The following CACNA1B variants were observed in gnomAD, a reference collection of about 807,000 sequenced individuals.
CACNA1B encodes calcium voltage-gated channel subunit alpha1 B.
Under a neutral mutation model 247.2 loss-of-function variants are expected in CACNA1B, and 70 were observed. The observed-to-expected ratio is 0.28, with a 90% CI of 0.23 to 0.35. The LOEUF (loss-of-function observed/expected upper bound fraction) is 0.35, where lower values mean the gene tolerates loss of function less well. Ranked by LOEUF, CACNA1B falls within the 10% of genes least tolerant of loss-of-function variation. The pLI is 1.00. For synonymous variants in CACNA1B, 1,231 were observed against 1,294.4 expected (o/e 0.95, Z 1.05); for missense variants, 2,367 against 3,197.4 (o/e 0.74, Z 6.26).
chr9:138,024,668 G>C (rs115870793), intron 19 of CACNA1B, among the ~76,000 whole-genome samples: 1,611 of 152,206 alleles, frequency 0.011, 24 homozygotes, highest in African/African-American at 0.037. Flanking sequence ...CCGCACTGTC[G>C]CCCAGGGTGG....
chr9:138,105,479 G>T (rs1159919133), intron 38 of CACNA1B, among the ~76,000 whole-genome samples: 1 of 152,208 alleles, frequency 6.6e-6, no homozygotes, highest in Admixed American at 6.5e-5. Context: ...CTTTTCTGCA[G>T]CCAGGAGGGT....
rs1039083625 is a variant in CACNA1B at position 138,054,576 on chromosome 9, T to C, written c.3968+570T>C. ...CCCAGCTGCTTCTGTGTGAATATCA[T>C]GCAGCTTCCTCCTGTGCCGTGTGAC... is the stretch of plus-strand genomic sequence containing the variant. On this transcript the variant is annotated intron_variant, in intron 26 of 46. Coordinates refer to ENST00000371372, the MANE Select transcript of CACNA1B (RefSeq NM_000718.4). The surrounding 1 kb of genome is among the most constrained non-coding windows in gnomAD (Gnocchi z 4.6). 2.6e-5 allele frequency among the ~76,000 whole-genome samples: 4 copies of C among 152,254 alleles called. No individual in the cohort carries two copies. The highest frequency in any genetic ancestry group is 9.6e-5 in the African/African-American group (4 of 41,474).
chr9:138,076,502 A>G (rs912631225), intron 35 of CACNA1B, among the ~76,000 whole-genome samples: 2 of 152,180 alleles, frequency 1.3e-5, no homozygotes, highest in Non-Finnish European at 2.9e-5. Context: ...CAAGCCAAGT[A>G]ACAGGCAGAA....
At position 137,986,538 on chromosome 9, in the gene CACNA1B, G is replaced by C; in HGVS notation, c.1895G>C (p.Gly632Ala). 6.2e-7 allele frequency: 1 copy of C among 1,613,776 alleles called. No homozygotes were observed. The highest frequency in any genetic ancestry group is 8.5e-7 in the Non-Finnish European group (1 of 1,179,820). The change falls in exon 14 of 47, where the codon GGG (glycine) becomes GCG (alanine). Residue 632 changes from glycine to alanine, a missense_variant. Transcript: ENST00000371372. This position sits in a 1 kb window ranked among gnomAD's most constrained non-coding sequence, Gnocchi z 6.0. ...GCCCTGCTGGGGATGCAGCTGTTTG[G>C]GGGACAGTAAGTGGGCCCGGGAGGG... is the stretch of plus-strand genomic sequence containing the variant. ...VFALLGMQLFGGQFNFQDETP... is the reference protein window; with the variant it reads ...VFALLGMQLFAGQFNFQDETP...
At chr9:137,931,920 G>C (rs977674191) in intron 6 of CACNA1B, among the ~76,000 whole-genome samples, 1 of 152,156 alleles carries the variant, frequency 6.6e-6, no homozygotes, top group African/African-American at 2.4e-5. Context: ...TAGCATTTCT[G>C]ACCAGGAGCC....
At position 138,113,840 on chromosome 9, in the gene CACNA1B, C is replaced by T. The variant is rs548545850; in HGVS notation, c.5537-538C>T. On this transcript the variant is annotated intron_variant, in intron 40 of 46. Transcript: ENST00000371372. ...AGCGCCGGGAGGTGCCCAACTCCATCTTGTGGGAGACGTGAGGGAGTGCCG... is the reference window on the plus strand; with the variant it reads ...AGCGCCGGGAGGTGCCCAACTCCATTTTGTGGGAGACGTGAGGGAGTGCCG... 2.8e-5 allele frequency among the ~76,000 whole-genome samples: 4 copies of T among 144,002 alleles called. No homozygotes were observed. The East Asian group carries it at 9.0e-4, about 33-fold the overall frequency. 94.5% of individuals were successfully genotyped at this position (144,002 alleles called of 152,430 possible). A position where few individuals can be genotyped will look rare whatever the true frequency, so the allele number is the denominator to read the frequency against.
rs1024885527 is a variant in CACNA1B at position 137,919,302 on chromosome 9, G to A, written c.966+1871G>A. On this transcript the variant is annotated intron_variant, in intron 6 of 46. Transcript: ENST00000371372. The surrounding 1 kb of genome is among the most constrained non-coding windows in gnomAD (Gnocchi z 4.6). ...AAGGGCATGGACAGTGGCGAGTGCC[G>A]TGAAGAAAACAGAAGAGGTTGAGGA... Among the ~76,000 whole-genome samples, 6 of 152,268 alleles carry A rather than the reference G, an allele frequency of 3.9e-5. No homozygotes were observed. Among genetic ancestry groups the A allele is most frequent in the South Asian group, 2.1e-4 (1 of 4,838 alleles).
intron 36 of CACNA1B, among the ~76,000 whole-genome samples, chr9:138,094,704 T>C (rs771982582): frequency 3.3e-5 from 5 of 152,146 alleles, no homozygotes; most frequent in African/African-American, 1.2e-4. Flanking sequence ...GCTACAGTTA[T>C]CAAAACAATG....
At position 137,962,395 on chromosome 9, in the gene CACNA1B, C is replaced by T. The variant is rs1958030946; in HGVS notation, c.1333+4708C>T. ...TTCATGTTTTCTATCTCCTTCAGTT[C>T]AGCTCTGATCTTAGTTATTTCTTGT... On this transcript the variant is annotated intron_variant, in intron 10 of 46. Coordinates refer to ENST00000371372, the MANE Select transcript of CACNA1B (RefSeq NM_000718.4). Among the ~76,000 whole-genome samples, 4 of 147,018 alleles carry T rather than the reference C, an allele frequency of 2.7e-5. No individual in the cohort carries two copies. The Admixed American group carries it at 2.7e-4, about 10-fold the overall frequency.
At chr9:137,978,505 G>A (rs562044724) in intron 12 of CACNA1B, among the ~76,000 whole-genome samples, 1 of 152,090 alleles carries the variant, frequency 6.6e-6, no homozygotes, top group Non-Finnish European at 1.5e-5. Flanking sequence ...CCATGAAGGA[G>A]TGACAGGTGG....
chr9:138,117,921 A>G, intron 42 of CACNA1B, 25 bp from the exon 43 acceptor site: 1 of 1,543,490 alleles, frequency 6.5e-7, no homozygotes, highest in East Asian at 2.3e-5. Context: ...ACCCTACAGG[A>G]ATCTGTTTGT....
In CACNA1B at chr9:138,023,798, A is replaced by G. The variant is rs764682562; in HGVS notation, c.3055A>G (p.Asn1019Asp). 1 of 1,421,338 alleles carries G rather than the reference A, an allele frequency of 7.0e-7. No homozygotes were observed. The highest frequency in any genetic ancestry group is 1.2e-5 in the South Asian group (1 of 81,704). 88.0% of individuals were successfully genotyped at this position (1,421,338 alleles called of 1,614,324 possible). A position where few individuals can be genotyped will look rare whatever the true frequency, so the allele number is the denominator to read the frequency against. ...VEADKEKELR[N>D]HQPREPHCDL... ...AGCCGACAAGGAAAAGGAGCTCCGG[A>G]ACCACCAGCCCCGGTGAGTCCGCGG... is the stretch of plus-strand genomic sequence containing the variant. The change falls in exon 19 of 47, where the codon AAC becomes GAC. Residue 1019 changes from asparagine to aspartate, a missense_variant. By Grantham distance (23) the Asn-to-Asp change is conservative (BLOSUM62 1). Coordinates refer to ENST00000371372, the MANE Select transcript of CACNA1B (RefSeq NM_000718.4).
intron 46 of CACNA1B, 102 bp downstream of exon 46, chr9:138,120,983 C>G: frequency 7.4e-7 from 1 of 1,359,418 alleles, no homozygotes; most frequent in South Asian, 1.4e-5. Flanking sequence ...CGCTGCTGCC[C>G]TTTGTCATTC....
At position 138,123,989 on chromosome 9, in the gene CACNA1B, C is replaced by G. The variant is rs1334635292; in HGVS notation, c.*1990C>G. The G allele has an allele frequency of 1.3e-5, 2 of 152,168 alleles. No individual in the cohort carries two copies. Among genetic ancestry groups the G allele is most frequent in the Non-Finnish European group, 2.9e-5 (2 of 68,032 alleles). 9.4% of individuals were successfully genotyped at this position (152,168 alleles called of 1,614,324 possible). ...GCAGAACCACAGCCATTTCCCCAGG[C>G]AGTGTTGGGTCGAGAATCCACTTTT... On this transcript the variant is annotated 3_prime_UTR_variant, in exon 47 of 47. Transcript: ENST00000371372.
At position 137,878,237 on chromosome 9, in the gene CACNA1B, CGGGCGGGGCCGGGCGGGGACCGGGGTGGG is replaced by C; in HGVS notation, c.284+23_284+51del. 3.5e-6 allele frequency: 1 copy of C among 282,974 alleles called. No individual in the cohort carries two copies. The allele number at this position is 282,974 out of a possible 1,614,324, so 17.5% of individuals were successfully genotyped here. A position where few individuals can be genotyped will look rare whatever the true frequency, so the allele number is the denominator to read the frequency against. Reference sequence around the variant, plus strand: ...GTGGCCATATCCTGCCGGGCGGGGCCGGGCGGGGCCGGGCGGGGACCGGGGTGGGGGCCGGGGCCGGGGCCATCTTCCCG... The same window carrying C: ...GTGGCCATATCCTGCCGGGCGGGGCCGGCCGGGGCCGGGGCCATCTTCCCG... On this transcript the variant is annotated intron_variant, in intron 1 of 46. Coordinates refer to ENST00000371372, the MANE Select transcript of CACNA1B (RefSeq NM_000718.4).
At chr9:137,944,295 G>A (rs1423789204) in intron 6 of CACNA1B, among the ~76,000 whole-genome samples, 1 of 152,074 alleles carries the variant, frequency 6.6e-6, no homozygotes, top group Non-Finnish European at 1.5e-5. Context: ...TTTTTTAAAG[G>A]CTTCCTCCAG....
chr9:138,092,364 A>G (rs1960907443), intron 36 of CACNA1B, among the ~76,000 whole-genome samples: 1 of 152,212 alleles, frequency 6.6e-6, no homozygotes, highest in Admixed American at 6.5e-5. Context: ...TTCCTTTCCC[A>G]GGGTTATTCC....
At chr9:137,998,560 C>T (rs1336996511) in intron 15 of CACNA1B, among the ~76,000 whole-genome samples, 2 of 152,034 alleles carry the variant, frequency 1.3e-5, no homozygotes, top group Non-Finnish European at 2.9e-5. Flanking sequence ...CCAGCCTGGG[C>T]GACAGAGCGA....
chr9:138,044,392 A>G (rs1959167639), intron 21 of CACNA1B, among the ~76,000 whole-genome samples: 4 of 152,238 alleles, frequency 2.6e-5, no homozygotes, highest in Admixed American at 1.3e-4. Flanking sequence ...TCCTGGGAAT[A>G]GTTAGGAATG....
Sources: gnomAD v4.1 joint callset for allele counts (sites outside exome capture counted in the v4.1 genomes callset) on GRCh38, gnomAD v4.1.1 for gene constraint, Gnocchi (gnomAD v3.1) non-coding constraint, MANE v1.5 for transcripts, NCBI Gene and HGNC (gene_info 2026-07-23, HGNC 2026-07-21) for gene names.